Variants in GKN2 observed in about 807,000 individuals in gnomAD.
GKN2 encodes the protein gastrokine 2.
Under a neutral mutation model 22.7 loss-of-function variants are expected in GKN2, and 17 were observed. The ratio of observed to expected loss-of-function variants is 0.75; its 90% CI spans 0.51 to 1.13. GKN2 has a LOEUF of 1.13. Ranked by LOEUF, GKN2 falls within the 50% of genes most tolerant of loss-of-function variation. GKN2 has a pLI of 0.00. For missense variants in GKN2, 248 were observed against 221.4 expected (o/e 1.12, Z -0.76); for synonymous variants, 82 against 79.6 (o/e 1.03, Z -0.16).
chr2:68,947,316 G>T, intron 3 of GKN2, 59 bp from the exon 4 acceptor site: 3 of 1,082,628 alleles, frequency 2.8e-6, no homozygotes, highest in Non-Finnish European at 4.3e-6. Flanking sequence ...TGAACTTGGT[G>T]AAGATGATGC....
intron 1 of GKN2, among the ~76,000 whole-genome samples, chr2:68,951,710 C>A (rs1669858932): frequency 1.3e-5 from 2 of 152,320 alleles, no homozygotes; most frequent in Middle Eastern, 3.4e-3. Flanking sequence ...AGGGATACAT[C>A]TTCTCTTACC....
chr2:68,951,168 T>A (rs1317849838), intron 1 of GKN2, among the ~76,000 whole-genome samples: 1 of 152,124 alleles, frequency 6.6e-6, no homozygotes. Context: ...AATTAATTAA[T>A]TAATTTTAAA....
chr2:68,950,814 G>A, intron 1 of GKN2, 59 bp from the exon 2 acceptor site: 1 of 1,541,686 alleles, frequency 6.5e-7, no homozygotes, highest in Non-Finnish European at 9.0e-7. Flanking sequence ...TGTGGGACAG[G>A]AGGAAACACT....
intron 5 of GKN2, chr2:68,945,904 C>G (rs1669758819): frequency 4.0e-6 from 1 of 252,644 alleles, no homozygotes; most frequent in South Asian, 1.4e-4. Flanking sequence ...CAATTCTATT[C>G]TAGATCCTGA....
At chr2:68,946,590 A>G (rs910063811) in intron 4 of GKN2, 130 bp from the exon 5 acceptor site, 5 of 711,144 alleles carry the variant, frequency 7.0e-6, no homozygotes, top group Admixed American at 3.2e-5. Context: ...TCAAGACATC[A>G]TCTCTTTTTG....
At chr2:68,945,979 C>G (rs1222336729) in intron 5 of GKN2, 2 of 367,004 alleles carry the variant, frequency 5.4e-6, no homozygotes, top group Non-Finnish European at 9.7e-6. Context: ...GCCCAGATGA[C>G]TTTTTGCTAC....
chr2:68,945,234 T>C lies in GKN2; in HGVS notation c.*134A>G. On this transcript the variant is annotated 3_prime_UTR_variant, in exon 6 of 6. Transcript: ENST00000328895. ...AAAAAACAACAAACACCAAAAAATC[T>C]ATAAATACAGCATTTATATTTTCTG... is the stretch of plus-strand genomic sequence containing the variant. The C allele has an allele frequency of 1.5e-6, 1 of 668,154 alleles. No individual in the cohort carries two copies. Among genetic ancestry groups the C allele is most frequent in the Non-Finnish European group, 2.5e-6 (1 of 395,348 alleles). 41.4% of individuals were successfully genotyped at this position (668,154 alleles called of 1,614,324 possible). A position where few individuals can be genotyped will look rare whatever the true frequency, so the allele number is the denominator to read the frequency against.
chr2:68,952,762 G>C, intron 1 of GKN2, 88 bp downstream of exon 1: 3 of 1,376,856 alleles, frequency 2.2e-6, no homozygotes, highest in South Asian at 1.2e-5. Context: ...ATCTGTCTAA[G>C]ACTCCCAAAA....
Position 68,952,073 on chromosome 2 carries a change from G to A in GKN2, c.12+777C>T, listed in dbSNP as rs141199910. On this transcript the variant is annotated intron_variant, in intron 1 of 5. Transcript: ENST00000328895. ...AATAAAGGACAGAGACTAGGGGAGCGAATTCCATTCTAGGTCAGAACATAG... is the reference window on the plus strand; with the variant it reads ...AATAAAGGACAGAGACTAGGGGAGCAAATTCCATTCTAGGTCAGAACATAG... Among the ~76,000 whole-genome samples, 29 of 152,308 alleles carry A rather than the reference G, an allele frequency of 1.9e-4. No individual in the cohort carries two copies. In the East Asian group the frequency reaches 4.0e-3, roughly 21 times the overall value.
intron 1 of GKN2, 141 bp from the exon 2 acceptor site, chr2:68,950,896 T>C: frequency 5.2e-6 from 4 of 764,818 alleles, no homozygotes; most frequent in Non-Finnish European, 9.1e-6. Flanking sequence ...TGGTCAGCAC[T>C]CCCTTTCCAC....
Position 68,947,176 on chromosome 2 carries a change from T to C in GKN2, c.286A>G (p.Asn96Asp). 1 of 1,613,182 alleles carries C rather than the reference T, an allele frequency of 6.2e-7. No individual in the cohort carries two copies. Among genetic ancestry groups the C allele is most frequent in the Non-Finnish European group, 8.5e-7 (1 of 1,179,148 alleles). The change falls in exon 4 of 6, where the codon AAT becomes GAT. Residue 96 changes from asparagine (N) to aspartate (D), a missense_variant. Coordinates refer to ENST00000328895, the MANE Select transcript of GKN2 (RefSeq NM_182536.3). ...MDHQNIPPLN[N>D]LQWYIYEKQA... ...TTCTCATAGATGTACCATTGGAGATTGTTCAGAGGAGGGATGTTCTGATGG... is the reference window on the plus strand; with the variant it reads ...TTCTCATAGATGTACCATTGGAGATCGTTCAGAGGAGGGATGTTCTGATGG...
At chr2:68,948,208 T>C (rs1266851808) in intron 3 of GKN2, among the ~76,000 whole-genome samples, 2 of 140,570 alleles carry the variant, frequency 1.4e-5, no homozygotes, top group African/African-American at 5.3e-5. Context: ...ATCACACCAC[T>C]GGACTCCAGC....
chr2:68,947,295 T>C (rs1231875813), intron 3 of GKN2, 38 bp from the exon 4 acceptor site: 1 of 1,320,888 alleles, frequency 7.6e-7, no homozygotes, highest in South Asian at 1.2e-5. Context: ...TCCTCCCTAG[T>C]TCCCTGAATC....
At chr2:68,952,598 T>C (rs1452819279) in intron 1 of GKN2, among the ~76,000 whole-genome samples, 7 of 152,204 alleles carry the variant, frequency 4.6e-5, no homozygotes, top group Admixed American at 4.6e-4. Context: ...ATCCTCCAAA[T>C]CAAAATTATC....
chr2:68,945,513 A>G, intron 5 of GKN2, 63 bp from the exon 6 acceptor site: 1 of 1,183,362 alleles, frequency 8.5e-7, no homozygotes, highest in Non-Finnish European at 1.2e-6. Context: ...AATTATTAGA[A>G]TAATAATACA....
chr2:68,950,414 C>T (rs1029587225), intron 2 of GKN2, 151 bp from the exon 3 acceptor site: 1 of 734,326 alleles, frequency 1.4e-6, no homozygotes, highest in Non-Finnish European at 2.2e-6. Flanking sequence ...ACTTATGATG[C>T]CATAAGAAGG....
chr2:68,946,622 C>A (rs1380760731), intron 4 of GKN2, among the ~76,000 whole-genome samples, 162 bp from the exon 5 acceptor site: 3 of 152,108 alleles, frequency 2.0e-5, no homozygotes, highest in Admixed American at 1.3e-4. Flanking sequence ...TGTGAAGTAG[C>A]CTCATTAGTA....
chr2:68,950,308 T>C, intron 2 of GKN2, 45 bp from the exon 3 acceptor site: 1 of 1,561,210 alleles, frequency 6.4e-7, no homozygotes, highest in Non-Finnish European at 8.7e-7. Context: ...AAATCTTATA[T>C]ATTTGAAAGG....
At chr2:68,947,100 T>C (rs377092451) in intron 4 of GKN2, 47 bp downstream of exon 4, 2 of 1,142,930 alleles carry the variant, frequency 1.7e-6, no homozygotes, top group East Asian at 2.3e-5. Flanking sequence ...AATACCAGTA[T>C]TGCCTGGCTT....
Sources: gnomAD v4.1 joint callset for allele counts (sites outside exome capture counted in the v4.1 genomes callset) on GRCh38, gnomAD v4.1.1 for gene constraint, MANE v1.5 for transcripts, NCBI Gene and HGNC (gene_info 2026-07-23, HGNC 2026-07-21) for gene names.